The following SHISA9 variants were observed in gnomAD, a reference collection of about 807,000 sequenced individuals.
SHISA9 encodes the protein shisa family member 9.
In SHISA9, 13 loss-of-function variants were observed where a neutral mutation model predicts 38.0. That is an observed-to-expected ratio of 0.34 (90% confidence interval 0.22 to 0.54). The LOEUF (loss-of-function observed/expected upper bound fraction) is 0.54, where lower values mean the gene tolerates loss of function less well. SHISA9 is among the 20% of genes least tolerant of loss of function. SHISA9 has a pLI of 0.91. For missense variants in SHISA9, 538 were observed against 575.8 expected (o/e 0.93, Z 0.67); for synonymous variants, 275 against 242.0 (o/e 1.14, Z -1.27).
chr16:13,560,564 A>G, the SHISA9 span, among the ~76,000 whole-genome samples: 2 of 152,302 alleles, frequency 1.3e-5, no homozygotes, highest in African/African-American at 2.4e-5. Flanking sequence ...GAGATTTGAG[A>G]AATTGTTAAT....
intron 2 of SHISA9, among the ~76,000 whole-genome samples, chr16:13,019,943 CTT>C (rs1231120160): frequency 1.1e-5 from 1 of 93,672 alleles, no homozygotes; most frequent in East Asian, 2.7e-4. Flanking sequence ...TTCTTTCTTT[CTT>C]TCTTTCTTTC....
At chr16:12,923,819 C>T (rs2071360092) in intron 2 of SHISA9, among the ~76,000 whole-genome samples, 1 of 149,910 alleles carries the variant, frequency 6.7e-6, no homozygotes, top group Admixed American at 6.7e-5. Context: ...CCAGCCTGGG[C>T]AACAGAGCAA....
At chr16:13,540,528 A>G in the SHISA9 span, among the ~76,000 whole-genome samples, 2 of 152,198 alleles carry the variant, frequency 1.3e-5, no homozygotes, top group Admixed American at 1.3e-4. Context: ...CTCCATTGCA[A>G]TGAGTTATAA....
the SHISA9 span, among the ~76,000 whole-genome samples, chr16:13,459,836 A>G: frequency 6.6e-6 from 1 of 152,216 alleles, no homozygotes; most frequent in Non-Finnish European, 1.5e-5. Flanking sequence ...GCCTTGAGAT[A>G]AGGGGTATGG....
chr16:13,429,717 G>T, the SHISA9 span, among the ~76,000 whole-genome samples: 1 of 152,204 alleles, frequency 6.6e-6, no homozygotes, highest in Non-Finnish European at 1.5e-5. Context: ...TCAAAAGTAT[G>T]TTGGAGTTAT....
At chr16:13,282,870 T>G in the SHISA9 span, among the ~76,000 whole-genome samples, 31 of 152,190 alleles carry the variant, frequency 2.0e-4, no homozygotes, top group African/African-American at 7.5e-4. Context: ...TGCTGAGATT[T>G]CCTGTCTGTC....
chr16:12,997,160 C>A (rs1046025938), intron 2 of SHISA9, among the ~76,000 whole-genome samples: 2 of 152,066 alleles, frequency 1.3e-5, no homozygotes, highest in African/African-American at 4.8e-5. Flanking sequence ...TCAGAGGTAA[C>A]CACTGTTTTG....
chr16:13,498,533 G>A, the SHISA9 span, among the ~76,000 whole-genome samples: 70 of 152,236 alleles, frequency 4.6e-4, no homozygotes, highest in African/African-American at 1.5e-3. Flanking sequence ...AAAGTGGGAG[G>A]ATCAGCTGAG....
chr16:13,296,433 A>T, the SHISA9 span, among the ~76,000 whole-genome samples: 4 of 151,960 alleles, frequency 2.6e-5, no homozygotes, highest in Admixed American at 6.6e-5. Flanking sequence ...CAGGGGGGAA[A>T]AAAACAGATC....
At chr16:13,223,644 G>A (rs1372947564) in intron 4 of SHISA9, among the ~76,000 whole-genome samples, 1 of 152,098 alleles carries the variant, frequency 6.6e-6, no homozygotes, top group Non-Finnish European at 1.5e-5. Context: ...TTCTCATGCT[G>A]CGAATAAAGA....
intron 4 of SHISA9, among the ~76,000 whole-genome samples, chr16:13,230,804 C>G (rs1205805671): frequency 6.6e-6 from 1 of 152,148 alleles, no homozygotes; most frequent in Non-Finnish European, 1.5e-5. Context: ...TGATGATATG[C>G]TAAAGAAGGG....
chr16:13,248,314 T>C, the SHISA9 span, among the ~76,000 whole-genome samples: 1 of 152,204 alleles, frequency 6.6e-6, no homozygotes, highest in Non-Finnish European at 1.5e-5. Context: ...CCAGCCATGG[T>C]GCCGGGCCTT....
At chr16:13,324,065 C>T in the SHISA9 span, among the ~76,000 whole-genome samples, 1 of 152,188 alleles carries the variant, frequency 6.6e-6, no homozygotes, top group Admixed American at 6.5e-5. Flanking sequence ...CTCTTGCTCC[C>T]TCTCGTGCCA....
At chr16:13,007,134 G>A (rs1197929256) in intron 2 of SHISA9, among the ~76,000 whole-genome samples, 2 of 152,196 alleles carry the variant, frequency 1.3e-5, no homozygotes, top group Non-Finnish European at 1.5e-5. Context: ...AGACTAACTC[G>A]TTCTCTAGGA....
intron 2 of SHISA9, among the ~76,000 whole-genome samples, chr16:13,186,288 C>CTTTTTTTTTT (rs113608898): frequency 9.6e-6 from 1 of 104,272 alleles, no homozygotes; most frequent in Non-Finnish European, 1.9e-5. Flanking sequence ...CCATCTTAAC[C>CTTTTTTTTTT]TTTTTTTTTT....
chr16:12,932,178 A>G (rs1395312801), intron 2 of SHISA9, among the ~76,000 whole-genome samples: 1 of 152,148 alleles, frequency 6.6e-6, no homozygotes, highest in Non-Finnish European at 1.5e-5. Flanking sequence ...TTTTCTTTAT[A>G]AATTACCCAG....
At chr16:12,908,640 C>T (rs2071137634) in intron 1 of SHISA9, 2 of 1,549,856 alleles carry the variant, frequency 1.3e-6, no homozygotes. Flanking sequence ...TGCAGGAATT[C>T]CAGACTTCTC....
At chr16:13,225,709 A>G (rs2051272277) in intron 4 of SHISA9, among the ~76,000 whole-genome samples, 1 of 152,112 alleles carries the variant, frequency 6.6e-6, no homozygotes, top group Non-Finnish European at 1.5e-5. Context: ...AGACCCTCAG[A>G]TGTGCAGCTT....
chr16:13,444,608 C>G, the SHISA9 span, among the ~76,000 whole-genome samples: 1 of 152,106 alleles, frequency 6.6e-6, no homozygotes, highest in Non-Finnish European at 1.5e-5. Flanking sequence ...GTGAGCAACA[C>G]CAAACTGTTT....
Sources: allele counts gnomAD v4.1 joint callset (sites outside exome capture counted in the v4.1 genomes callset), GRCh38; gene constraint gnomAD v4.1.1; transcripts MANE v1.5; gene names NCBI Gene and HGNC (gene_info 2026-07-23, HGNC 2026-07-21).